The following ALMS1 variants were observed in gnomAD, a reference collection of about 807,000 sequenced individuals.
ALMS1 encodes the protein ALMS1 centrosome and basal body associated protein.
A neutral mutation model predicts 352.2 loss-of-function variants in ALMS1; 271 were observed. The ratio of observed to expected loss-of-function variants is 0.77; its 90% CI spans 0.70 to 0.85. The LOEUF (loss-of-function observed/expected upper bound fraction) is 0.85. ALMS1 is among the 40% of genes least tolerant of loss of function. The probability of loss-of-function intolerance (pLI) is 0.00; values close to 1 mark genes in which losing one functional copy is unlikely to be tolerated. For synonymous variants in ALMS1, 1,865 were observed against 1,761.2 expected (o/e 1.06, Z -1.48); for missense variants, 5,445 against 4,870.7 (o/e 1.12, Z -3.51).
At chr2:73,473,835 G>A (rs1358674066) in intron 9 of ALMS1, among the ~76,000 whole-genome samples, 1 of 151,264 alleles carries the variant, frequency 6.6e-6, no homozygotes, top group African/African-American at 2.4e-5. Flanking sequence ...TCGAGGAGAA[G>A]AAAGAGAAAA....
At chr2:73,469,314 A>G (rs1355442906) in intron 9 of ALMS1, among the ~76,000 whole-genome samples, 7 of 152,002 alleles carry the variant, frequency 4.6e-5, no homozygotes, top group African/African-American at 1.4e-4. Context: ...CAGAAAAATG[A>G]TAGAATTGAG....
chr2:73,519,675 A>G (rs1421568480), intron 10 of ALMS1, 100 bp from the exon 11 acceptor site: 9 of 1,491,140 alleles, frequency 6.0e-6, no homozygotes, highest in South Asian at 3.5e-5. Context: ...ATATATTCCT[A>G]TAGCTACTTA....
chr2:73,465,457 C>T (rs373628345), intron 9 of ALMS1, among the ~76,000 whole-genome samples: 283 of 152,274 alleles, frequency 1.9e-3, no homozygotes, highest in African/African-American at 6.6e-3. Flanking sequence ...GAAACTGGAT[C>T]CCTTCCTTAC....
rs773880019 is a variant in ALMS1, at chr2:73,408,587, TTATTACTC to T, written c.325-30_325-23del. On this transcript the variant is annotated intron_variant, in intron 1 of 22. Transcript: ENST00000613296. ...TTGTTGTATAATCATAGTGATTGTG[TTATTACTC>T]TATTTAAGCCTGCTTTTGATTTTCA... The T allele has an allele frequency of 1.9e-6, 3 of 1,604,678 alleles. No homozygotes were observed. In the Admixed American group the frequency reaches 5.0e-5, roughly 27 times the overall value.
At chr2:73,523,683 C>T (rs538482608) in intron 11 of ALMS1, among the ~76,000 whole-genome samples, 30 of 152,196 alleles carry the variant, frequency 2.0e-4, no homozygotes, top group African/African-American at 7.2e-4. Flanking sequence ...AGGAGAATTG[C>T]TTGAACCCGG....
At chr2:73,518,689 T>A (rs1207914459) in intron 10 of ALMS1, among the ~76,000 whole-genome samples, 1 of 152,178 alleles carries the variant, frequency 6.6e-6, no homozygotes, top group Non-Finnish European at 1.5e-5. Flanking sequence ...CTCATTGTGG[T>A]TTTGATTTGC....
intron 9 of ALMS1, among the ~76,000 whole-genome samples, chr2:73,461,494 C>A (rs143878091): frequency 6.6e-6 from 1 of 152,158 alleles, no homozygotes; most frequent in Non-Finnish European, 1.5e-5. Flanking sequence ...GATAAAACCA[C>A]AAAGATGCAG....
intron 9 of ALMS1, among the ~76,000 whole-genome samples, chr2:73,461,730 C>T (rs1336983475): frequency 6.6e-6 from 1 of 152,036 alleles, no homozygotes; most frequent in Non-Finnish European, 1.5e-5. Context: ...GAATGGATAC[C>T]TAGAATAACC....
intron 11 of ALMS1, among the ~76,000 whole-genome samples, chr2:73,532,588 G>A (rs1461190034): frequency 6.6e-6 from 1 of 152,100 alleles, no homozygotes; most frequent in Non-Finnish European, 1.5e-5. Flanking sequence ...GTCACCTTGG[G>A]TGAATGCTTC....
At chr2:73,517,246 C>CTTTGTTTTTTTTTTTTTTTTTTTTTTT (rs1673577957) in intron 10 of ALMS1, among the ~76,000 whole-genome samples, 1 of 105,000 alleles carries the variant, frequency 9.5e-6, no homozygotes, top group African/African-American at 4.7e-5. Flanking sequence ...AAGTTTTAGT[C>CTTTGTTTTTTTTTTTTTTTTTTTTTTT]TTTTTTTTTT....
chr2:73,393,894 C>T (rs1049657298), intron 1 of ALMS1, among the ~76,000 whole-genome samples: 1 of 150,626 alleles, frequency 6.6e-6, no homozygotes, highest in Non-Finnish European at 1.5e-5. Context: ...AATCTCGGCT[C>T]ACTGCAACCT....
intron 9 of ALMS1, among the ~76,000 whole-genome samples, chr2:73,482,193 A>G (rs1004499486): frequency 8.5e-5 from 13 of 152,336 alleles, no homozygotes; most frequent in Non-Finnish European, 1.5e-4. Context: ...TTGGGCATTC[A>G]GTATGATATT....
intron 15 of ALMS1, among the ~76,000 whole-genome samples, chr2:73,561,983 GAAAA>G (rs544098692): frequency 6.7e-6 from 1 of 149,156 alleles, no homozygotes; most frequent in Non-Finnish European, 1.5e-5. Flanking sequence ...AAAATGAAAT[GAAAA>G]AAAAGTACCA....
At position 73,592,580 on chromosome 2, in the gene ALMS1, T is replaced by C. The variant is rs111426788; in HGVS notation, c.11548-6821T>C. ...ATGAATTAGCGTAAACCCATGCCTC[T>C]AAAGGAAAAGCATCTCCCAGCAGGC... On this transcript the variant is annotated intron_variant, in intron 16 of 22. Transcript: ENST00000613296. 6.1e-3 allele frequency among the ~76,000 whole-genome samples: 930 copies of C among 152,264 alleles called. 6 individuals are homozygous for C. The highest frequency in any genetic ancestry group is 0.014 in the Middle Eastern group (4 of 294).
rs757654976 is a variant in ALMS1 at position 73,448,129 on chromosome 2, T to G, written c.1602T>G (p.Thr534=). 1 of 1,614,004 alleles carries G rather than the reference T, an allele frequency of 6.2e-7. No individual in the cohort carries two copies. The highest frequency in any genetic ancestry group is 8.5e-7 in the Non-Finnish European group (1 of 1,179,914). ...SPLETTTGQH[T]DTLNQKTLAD... ...TAGAAACTACTACTGGTCAACACAC[T>G]GATACTCTCAACCAAAAGACATTAG... The change falls in exon 8 of 23, where the codon ACT becomes ACG. Residue 534 remains threonine (T), a synonymous_variant. Coordinates refer to ENST00000613296, the MANE Select transcript of ALMS1 (RefSeq NM_001378454.1).
At chr2:73,568,392 A>G (rs1008233990) in intron 15 of ALMS1, among the ~76,000 whole-genome samples, 6 of 152,226 alleles carry the variant, frequency 3.9e-5, no homozygotes, top group Non-Finnish European at 7.3e-5. Context: ...ATAAAGTTGT[A>G]CCTAGAAAAA....
rs1421481895 is a variant in ALMS1, at chr2:73,453,875, G to A, written c.7348G>A (p.Val2450Ile). ...TGTTCTTCTAAACTTCTTTCCATAT[G>A]TTTCACCCAAGACAAGTATAACAGA... ...SDVLLNFFPYVSPKTSITDSR... is the reference protein window; with the variant it reads ...SDVLLNFFPYISPKTSITDSR... The change falls in exon 8 of 23, where the codon GTT becomes ATT. Residue 2450 changes from valine (V) to isoleucine (I), a missense_variant. Transcript: ENST00000613296. The A allele has an allele frequency of 6.2e-7, 1 of 1,614,096 alleles. No individual in the cohort carries two copies. Among genetic ancestry groups the A allele is most frequent in the Non-Finnish European group, 8.5e-7 (1 of 1,179,990 alleles).
intron 16 of ALMS1, among the ~76,000 whole-genome samples, chr2:73,592,505 T>A (rs1199579121): frequency 6.6e-6 from 1 of 152,218 alleles, no homozygotes; most frequent in Non-Finnish European, 1.5e-5. Flanking sequence ...ATTTTGACTC[T>A]GACTGTTTTA....
chr2:73,577,765 T>C (rs1288212523), intron 16 of ALMS1, among the ~76,000 whole-genome samples: 2 of 152,190 alleles, frequency 1.3e-5, no homozygotes, highest in Non-Finnish European at 2.9e-5. Context: ...GATCAGAGAA[T>C]ATATTTTGTA....
Sources: gnomAD v4.1 joint callset for allele counts (sites outside exome capture counted in the v4.1 genomes callset) on GRCh38, gnomAD v4.1.1 for gene constraint, MANE v1.5 for transcripts, NCBI Gene and HGNC (gene_info 2026-07-23, HGNC 2026-07-21) for gene names.